CHODL: variants seen among roughly 807,000 people sequenced by gnomAD.
CHODL encodes the protein transmembrane protein MT75.
In CHODL, 29 loss-of-function variants were observed where a neutral mutation model predicts 34.5. The observed-to-expected ratio is 0.84, with a 90% CI of 0.63 to 1.15. CHODL has a LOEUF of 1.15. Among genes scored for constraint, CHODL ranks in the 50% most tolerant of loss-of-function variants. CHODL has a pLI of 0.00. For missense variants in CHODL, 332 were observed against 332.5 expected, an observed-to-expected ratio of 1.00 and a Z score of 0.01; for synonymous variants, 125 against 116.1, an observed-to-expected ratio of 1.08 and a Z score of -0.49.
At chr21:18,152,338 T>C (rs2072980299) in intron 2 of CHODL, among the ~76,000 whole-genome samples, 1 of 152,186 alleles carries the variant, frequency 6.6e-6, no homozygotes, top group African/African-American at 2.4e-5. Flanking sequence ...TATCACAAAC[T>C]TCATGGTTTA....
chr21:17,958,099 T>G (rs1050516433), intron 1 of CHODL, among the ~76,000 whole-genome samples: 5 of 152,114 alleles, frequency 3.3e-5, no homozygotes, highest in Admixed American at 1.3e-4. Context: ...CCTCCCTCTT[T>G]CTAATTTAGG....
At chr21:18,162,459 G>C (rs887384176) in intron 2 of CHODL, among the ~76,000 whole-genome samples, 10 of 148,256 alleles carry the variant, frequency 6.7e-5, no homozygotes, top group African/African-American at 2.5e-4. Flanking sequence ...CTCTCTCTCT[G>C]TGTATGTAAG....
At chr21:18,104,888 G>T (rs2065255598) in intron 2 of CHODL, among the ~76,000 whole-genome samples, 1 of 152,186 alleles carries the variant, frequency 6.6e-6, no homozygotes, top group Non-Finnish European at 1.5e-5. Context: ...ATGTGAAGTA[G>T]TAAGTTTCAA....
At chr21:18,253,970 C>T (rs980306384) in intron 1 of CHODL, among the ~76,000 whole-genome samples, 2 of 152,206 alleles carry the variant, frequency 1.3e-5, no homozygotes, top group Admixed American at 1.3e-4. Context: ...TATTGAATGC[C>T]TATCACTCAA....
chr21:17,965,863 AT>A (rs2063567746), intron 1 of CHODL, among the ~76,000 whole-genome samples: 1 of 151,718 alleles, frequency 6.6e-6, no homozygotes, highest in Non-Finnish European at 1.5e-5. Context: ...AAATTACTTA[AT>A]TGTTCTATTG....
At chr21:18,148,115 A>T (rs1397149721) in intron 2 of CHODL, among the ~76,000 whole-genome samples, 5 of 152,188 alleles carry the variant, frequency 3.3e-5, no homozygotes, top group Non-Finnish European at 7.4e-5. Flanking sequence ...GATAATAGCA[A>T]TGATTTGTGT....
At chr21:18,102,766 A>G (rs2065230954) in intron 2 of CHODL, among the ~76,000 whole-genome samples, 1 of 152,212 alleles carries the variant, frequency 6.6e-6, no homozygotes, top group African/African-American at 2.4e-5. Context: ...TTTTGTTGAT[A>G]GAAATAATTT....
intron 2 of CHODL, among the ~76,000 whole-genome samples, chr21:18,234,478 A>C (rs1386266918): frequency 6.6e-6 from 1 of 152,066 alleles, no homozygotes; most frequent in Non-Finnish European, 1.5e-5. Flanking sequence ...CAAAGCTTTC[A>C]TTATGCATAT....
intron 2 of CHODL, among the ~76,000 whole-genome samples, chr21:18,216,213 G>A (rs1248841800): frequency 1.3e-5 from 2 of 151,880 alleles, no homozygotes; most frequent in African/African-American, 2.4e-5. Context: ...TGCATATGAA[G>A]TATAATGATT....
chr21:18,141,537 A>G (rs1601060498), intron 2 of CHODL, among the ~76,000 whole-genome samples: 3 of 152,118 alleles, frequency 2.0e-5, no homozygotes, highest in African/African-American at 7.2e-5. Context: ...TTAGGTTTTT[A>G]AAGGAGGATG....
At position 18,266,389 on chromosome 21, in the gene CHODL, A is replaced by C; in HGVS notation, c.*351A>C. ...TTTCACCTTTCATAAGTTGTTATCT[A>C]GTCAATGTAATGTATATTGTATTGA... On this transcript the variant is annotated 3_prime_UTR_variant, in exon 6 of 6. Coordinates refer to ENST00000299295, the MANE Select transcript of CHODL (RefSeq NM_024944.3). 2.2e-6 allele frequency: 1 copy of C among 452,030 alleles called. No individual in the cohort carries two copies. 28.0% of individuals were successfully genotyped at this position (452,030 alleles called of 1,614,324 possible).
chr21:18,230,418 A>T (rs2073968504), intron 2 of CHODL, among the ~76,000 whole-genome samples: 1 of 152,128 alleles, frequency 6.6e-6, no homozygotes, highest in Non-Finnish European at 1.5e-5. Context: ...ACTTGTTGTG[A>T]AATTGTGATT....
rs557179271 is a variant in CHODL, at chr21:17,956,357, G to GC, written c.-145+38964dup. Among the ~76,000 whole-genome samples the GC allele has an allele frequency of 1.2e-4, 16 of 135,644 alleles. 1 individual carries two copies. In the South Asian group the frequency reaches 1.5e-3, roughly 12 times the overall value. The allele number at this position is 135,644 out of a possible 152,430, so 89.0% of individuals were successfully genotyped here. ...ATGCCATAATTGAAAGCCTCCTGAG[G>GC]CCCCCCCAGAAGCAGATGCTAGCAC... On this transcript the variant is annotated intron_variant, in intron 1 of 6. Transcript: ENST00000400127.
intron 2 of CHODL, among the ~76,000 whole-genome samples, chr21:18,217,016 C>T (rs1055022575): frequency 8.6e-5 from 13 of 152,040 alleles, no homozygotes; most frequent in African/African-American, 3.1e-4. Context: ...AAAAATATTA[C>T]AATATATACC....
At chr21:17,936,076 C>T (rs1276417986) in intron 1 of CHODL, among the ~76,000 whole-genome samples, 2 of 151,850 alleles carry the variant, frequency 1.3e-5, no homozygotes, top group African/African-American at 4.8e-5. Context: ...AACTCATTAT[C>T]ATATCGTAGA....
chr21:17,928,097 G>T (rs149329540), intron 1 of CHODL, among the ~76,000 whole-genome samples: 1 of 152,150 alleles, frequency 6.6e-6, no homozygotes, highest in Non-Finnish European at 1.5e-5. Flanking sequence ...TTTAAAGTTC[G>T]AATTTAAGGG....
intron 1 of CHODL, among the ~76,000 whole-genome samples, chr21:17,982,671 C>A (rs1249153479): frequency 1.4e-5 from 2 of 144,988 alleles, no homozygotes; most frequent in South Asian, 2.2e-4. Context: ...AAAGCATGCA[C>A]TATAAAAATC....
chr21:18,079,972 T>C (rs2064921361), intron 2 of CHODL, among the ~76,000 whole-genome samples: 3 of 152,038 alleles, frequency 2.0e-5, no homozygotes, highest in Admixed American at 1.3e-4. Context: ...AGCATTCTCT[T>C]TTTCTCTGCA....
chr21:17,927,634 G>A (rs1416742649), intron 1 of CHODL, among the ~76,000 whole-genome samples: 1 of 152,190 alleles, frequency 6.6e-6, no homozygotes, highest in East Asian at 1.9e-4. Context: ...GGTGGGAACA[G>A]GGAGACCAGC....
Sources: gnomAD v4.1 joint callset for allele counts (sites outside exome capture counted in the v4.1 genomes callset) on GRCh38, gnomAD v4.1.1 for gene constraint, MANE v1.5 for transcripts, NCBI Gene and HGNC (gene_info 2026-07-23, HGNC 2026-07-21) for gene names.